ATP8B4: variants seen among roughly 807,000 people sequenced by gnomAD.
ATP8B4 encodes probable phospholipid-transporting ATPase IM.
Under a neutral mutation model 145.6 loss-of-function variants are expected in ATP8B4, and 133 were observed. That is an observed-to-expected ratio of 0.91 (90% CI 0.79 to 1.05). The LOEUF (loss-of-function observed/expected upper bound fraction) is 1.05, where lower values mean the gene tolerates loss of function less well. Ranked by LOEUF, ATP8B4 falls within the 50% of genes least tolerant of loss-of-function variation. The pLI, the probability that ATP8B4 is intolerant of heterozygous loss-of-function variation, is 0.00. For missense variants in ATP8B4, 1,458 were observed against 1,425.2 expected (o/e 1.02, Z -0.37); for synonymous variants, 507 against 492.9 (o/e 1.03, Z -0.38).
chr15:49,934,225 C>A, intron 14 of ATP8B4, 43 bp from the exon 15 acceptor site: 1 of 1,549,262 alleles, frequency 6.5e-7, no homozygotes, highest in South Asian at 1.2e-5. Context: ...AAACCTCATT[C>A]CAATAATTAT....
At chr15:50,167,149 T>C (rs921834679) in intron 1 of ATP8B4, among the ~76,000 whole-genome samples, 1 of 152,238 alleles carries the variant, frequency 6.6e-6, no homozygotes, top group Non-Finnish European at 1.5e-5. Flanking sequence ...CCATTGTGCA[T>C]CCTAGTTTTG....
At chr15:50,011,259 A>G (rs867821365) in intron 6 of ATP8B4, among the ~76,000 whole-genome samples, 5 of 152,324 alleles carry the variant, frequency 3.3e-5, no homozygotes, top group South Asian at 4.1e-4. Context: ...TCGATTGATA[A>G]ATACAGAAAC....
chr15:49,862,001 G>A (rs1186642706), intron 27 of ATP8B4, among the ~76,000 whole-genome samples: 1 of 152,162 alleles, frequency 6.6e-6, no homozygotes. Flanking sequence ...AAAATACCCA[G>A]TTCAACTTGT....
intron 27 of ATP8B4, among the ~76,000 whole-genome samples, chr15:49,861,192 C>A (rs116326683): frequency 6.6e-4 from 101 of 152,190 alleles, no homozygotes; most frequent in African/African-American, 2.4e-3. Context: ...CAGGAGAAAA[C>A]CATCAAGCAG....
At chr15:49,963,362 C>G (rs1306046271) in intron 13 of ATP8B4, among the ~76,000 whole-genome samples, 3 of 152,248 alleles carry the variant, frequency 2.0e-5, no homozygotes, top group African/African-American at 7.2e-5. Context: ...GGCGATTCCT[C>G]AAGGACCTAA....
chr15:49,893,571 A>T (rs2037059238), intron 23 of ATP8B4, among the ~76,000 whole-genome samples: 1 of 152,234 alleles, frequency 6.6e-6, no homozygotes. Flanking sequence ...ACACTATATG[A>T]TTCCATTTAT....
chr15:49,905,920 A>ATG lies in ATP8B4; in HGVS notation c.2142-4683_2142-4682dup, dbSNP rs1367857582. ...GGCAAGGAGGTAAGGAGGTGGGTAG[A>ATG]TGTATAGTGTTTTATACATATATGT... is the stretch of plus-strand genomic sequence containing the variant. On this transcript the variant is annotated intron_variant, in intron 20 of 27. Transcript: ENST00000284509. Among the ~76,000 whole-genome samples, 5 of 152,226 alleles carry ATG rather than the reference A, an allele frequency of 3.3e-5. No homozygotes were observed. The East Asian group carries it at 9.7e-4, about 29-fold the overall frequency.
intron 23 of ATP8B4, among the ~76,000 whole-genome samples, chr15:49,881,309 A>G (rs2035377701): frequency 6.6e-6 from 1 of 152,228 alleles, no homozygotes; most frequent in Admixed American, 6.5e-5. Flanking sequence ...AAACATGGGA[A>G]AATAATTAGC....
intron 2 of ATP8B4, among the ~76,000 whole-genome samples, chr15:50,075,978 C>T (rs527966695): frequency 1.3e-5 from 2 of 152,224 alleles, no homozygotes; most frequent in East Asian, 3.9e-4. Context: ...TTAACCTGGA[C>T]CACTGGTATG....
chr15:49,936,122 G>A (rs2041714405), intron 14 of ATP8B4, among the ~76,000 whole-genome samples: 1 of 152,102 alleles, frequency 6.6e-6, no homozygotes, highest in Non-Finnish European at 1.5e-5. Flanking sequence ...ATGTACATAA[G>A]TCTGTCTTTG....
chr15:50,156,075 T>TATATATATATATACATAA (rs1567410428), intron 1 of ATP8B4, among the ~76,000 whole-genome samples: 2 of 55,650 alleles, frequency 3.6e-5, no homozygotes, highest in African/African-American at 1.1e-4. Flanking sequence ...AATAAATAAA[T>TATATATATATATACATAA]ATATATATAT....
Position 50,083,034 on chromosome 15 carries a change from C to T in ATP8B4, c.29-8849G>A, listed in dbSNP as rs549813959. ...TGGGAAACTGCAAATTGGTGTGTGC[C>T]TTGGTCCAAAGGTCAAAGAGAGGGG... is the stretch of plus-strand genomic sequence containing the variant. On this transcript the variant is annotated intron_variant, in intron 2 of 27. Coordinates refer to ENST00000284509, the MANE Select transcript of ATP8B4 (RefSeq NM_024837.4). 7.2e-5 allele frequency among the ~76,000 whole-genome samples: 11 copies of T among 152,254 alleles called. No individual in the cohort carries two copies. The South Asian group carries it at 2.3e-3, about 32-fold the overall frequency.
At chr15:49,872,014 G>T (rs749749226) in intron 25 of ATP8B4, among the ~76,000 whole-genome samples, 1 of 152,150 alleles carries the variant, frequency 6.6e-6, no homozygotes, top group South Asian at 2.1e-4. Context: ...CCACAGAGGG[G>T]TGACAAGCAG....
In ATP8B4 at chr15:49,866,350, A is replaced by G; in HGVS notation, c.3162T>C (p.Phe1054=). 6.2e-7 allele frequency: 1 copy of G among 1,613,868 alleles called. No individual in the cohort carries two copies. Among genetic ancestry groups the G allele is most frequent in the South Asian group, 1.1e-5 (1 of 91,054 alleles). Reference sequence around the variant, plus strand: ...TAGTCAACATGACTCACTTACCAACAAATGGAAACTGGTTTGGGAAGATGC... The same window carrying G: ...TAGTCAACATGACTCACTTACCAACGAATGGAAACTGGTTTGGGAAGATGC... ...IFGIFPNQFP[F]VGNARHSLTQ... Residue 1054 remains phenylalanine (F), a synonymous_variant, in exon 26 of 28, where the codon TTT becomes TTC. Coordinates refer to ENST00000284509, the MANE Select transcript of ATP8B4 (RefSeq NM_024837.4).
At chr15:49,910,242 CAAG>C (rs988330335) in intron 20 of ATP8B4, among the ~76,000 whole-genome samples, 2 of 151,926 alleles carry the variant, frequency 1.3e-5, no homozygotes, top group African/African-American at 4.8e-5. Flanking sequence ...TAGACTAGAT[CAAG>C]AAGAAGAGAG....
chr15:49,868,861 G>T (rs62020395), intron 25 of ATP8B4, among the ~76,000 whole-genome samples: 72 of 152,166 alleles, frequency 4.7e-4, no homozygotes, highest in Admixed American at 1.5e-3. Flanking sequence ...AAAATAAAGA[G>T]AAATCACTAG....
At chr15:50,064,835 G>A (rs1055190790) in intron 3 of ATP8B4, among the ~76,000 whole-genome samples, 2 of 152,102 alleles carry the variant, frequency 1.3e-5, no homozygotes, top group African/African-American at 2.4e-5. Context: ...CATCTTACAC[G>A]GTTGAAGCAG....
intron 21 of ATP8B4, among the ~76,000 whole-genome samples, chr15:49,900,284 C>A (rs897794945): frequency 6.6e-6 from 1 of 152,190 alleles, no homozygotes; most frequent in African/African-American, 2.4e-5. Flanking sequence ...CAGCTGATCG[C>A]AAGGGAGAAA....
chr15:49,908,131 T>C, intron 20 of ATP8B4: 1 of 455,996 alleles, frequency 2.2e-6, no homozygotes, highest in Non-Finnish European at 4.4e-6. Flanking sequence ...AATGAGGTAA[T>C]ACATGTGTAC....
Sources: allele counts gnomAD v4.1 joint callset (sites outside exome capture counted in the v4.1 genomes callset), GRCh38; gene constraint gnomAD v4.1.1; transcripts MANE v1.5; gene names NCBI Gene and HGNC (gene_info 2026-07-23, HGNC 2026-07-21).